The following TNIP1 variants were observed in gnomAD, a reference collection of about 807,000 sequenced individuals.
The protein encoded by TNIP1 is TNFAIP3-interacting protein 1.
TNIP1 carries 22 observed loss-of-function variants against 86.6 expected under a neutral mutation model. The observed-to-expected ratio is 0.25, with a 90% CI of 0.18 to 0.36. The LOEUF (loss-of-function observed/expected upper bound fraction) is 0.36. Among genes scored for constraint, TNIP1 ranks in the 10% least tolerant of loss-of-function variants. The probability of loss-of-function intolerance (pLI) is 1.00; values close to 1 mark genes in which losing one functional copy is unlikely to be tolerated. For synonymous variants in TNIP1, 294 were observed against 313.0 expected, an observed-to-expected ratio of 0.94 and a Z score of 0.64; for missense variants, 709 against 820.6, an observed-to-expected ratio of 0.86 and a Z score of 1.66.
At chr5:151,068,748 C>A (rs1762515162) in intron 1 of TNIP1, among the ~76,000 whole-genome samples, 1 of 152,178 alleles carries the variant, frequency 6.6e-6, no homozygotes, top group Non-Finnish European at 1.5e-5. Flanking sequence ...TGCCCACAGC[C>A]CATCCTCCAT....
At chr5:151,064,136 C>A (rs1376039714) in intron 2 of TNIP1, among the ~76,000 whole-genome samples, 1 of 152,254 alleles carries the variant, frequency 6.6e-6, no homozygotes, top group East Asian at 1.9e-4. Flanking sequence ...GGGCTGCCTG[C>A]AGGGCGGAGA....
At chr5:151,031,838 G>A (rs1756939742) in intron 17 of TNIP1, among the ~76,000 whole-genome samples, 1 of 152,090 alleles carries the variant, frequency 6.6e-6, no homozygotes, top group African/African-American at 2.4e-5. Flanking sequence ...TCTCCACCTA[G>A]CTAGTGTCAC....
intron 3 of TNIP1, among the ~76,000 whole-genome samples, chr5:151,062,734 G>T (rs1761739085): frequency 6.6e-6 from 1 of 152,158 alleles, no homozygotes; most frequent in African/African-American, 2.4e-5. Context: ...CTCACTCTGA[G>T]AGTGGACCTG....
rs892655074 is a variant in TNIP1, at chr5:151,030,668, C to T, written c.*45G>A. Reference sequence around the variant, plus strand: ...TAGTTTCTTGGCAATCTGAGATCAGCTGGCTCTGCAAGATGAAGGTGGAGC... The same window carrying T: ...TAGTTTCTTGGCAATCTGAGATCAGTTGGCTCTGCAAGATGAAGGTGGAGC... On this transcript the variant is annotated 3_prime_UTR_variant, in exon 18 of 18. Coordinates refer to ENST00000521591, the MANE Select transcript of TNIP1 (RefSeq NM_006058.5). 3.7e-6 allele frequency: 6 copies of T among 1,613,826 alleles called. No individual in the cohort carries two copies. Among genetic ancestry groups the T allele is most frequent in the Non-Finnish European group, 4.2e-6 (5 of 1,179,900 alleles).
chr5:151,059,808 AGAGAGAGAGAGAGAGAGAGAGTGTGTGT>A (rs1761183940), intron 5 of TNIP1, among the ~76,000 whole-genome samples: 1 of 113,470 alleles, frequency 8.8e-6, no homozygotes, highest in African/African-American at 4.3e-5. Flanking sequence ...AGAGAGAGAG[AGAGAGAGAGAGAGAGAGAGAGTGTGTGT>A]GTGTGTGTGT....
intron 3 of TNIP1, 72 bp from the exon 4 acceptor site, chr5:151,062,284 A>G (rs1761675173): frequency 7.2e-7 from 1 of 1,394,488 alleles, no homozygotes; most frequent in Non-Finnish European, 1.0e-6. Context: ...TCTCAAGGAC[A>G]GCCCTTGACA....
At position 151,077,567 on chromosome 5, in the gene TNIP1, A is replaced by G. The variant is rs1434247485; in HGVS notation, c.-37+3313T>C. On this transcript the variant is annotated intron_variant, in intron 1 of 17. Transcript: ENST00000521591. ...ATACAGAGCTGACAGGTGAGGATGC[A>G]GAGGCCCAGAGTGACAGACACGGCA... Among the ~76,000 whole-genome samples the G allele has an allele frequency of 3.9e-5, 6 of 152,356 alleles. No homozygotes were observed. In the East Asian group the frequency reaches 9.6e-4, roughly 24 times the overall value.
chr5:151,037,138 C>T (rs1757810823), intron 12 of TNIP1: 1 of 480,912 alleles, frequency 2.1e-6, no homozygotes. Context: ...AGACTATGAT[C>T]ATCATCCTCA....
chr5:151,034,114 T>C, intron 15 of TNIP1, among the ~76,000 whole-genome samples: 1 of 141,070 alleles, frequency 7.1e-6, no homozygotes, highest in East Asian at 2.3e-4. Context: ...GGCTAGTACA[T>C]GGGCACGGAA....
chr5:151,075,977 G>A (rs1763345389), intron 1 of TNIP1, among the ~76,000 whole-genome samples: 1 of 152,204 alleles, frequency 6.6e-6, no homozygotes, highest in Non-Finnish European at 1.5e-5. Flanking sequence ...TTTGTCCACT[G>A]TGTAGGTGCT....
chr5:151,049,527 A>G (rs557572674), intron 8 of TNIP1, among the ~76,000 whole-genome samples: 68 of 152,316 alleles, frequency 4.5e-4, no homozygotes, highest in African/African-American at 1.4e-3. Context: ...TGTTTACGGA[A>G]TGCACCCAGA....
chr5:151,033,729 G>A lies in TNIP1; in HGVS notation c.1658C>T (p.Pro553Leu), dbSNP rs2233306. 2.2e-4 allele frequency: 296 copies of A among 1,360,182 alleles called. No individual in the cohort carries two copies. In the African/African-American group the frequency reaches 3.8e-3, roughly 17 times the overall value. 84.3% of individuals were successfully genotyped at this position (1,360,182 alleles called of 1,614,324 possible). Reference sequence around the variant, plus strand: ...GTGTGGCACCATGGCTGGCATGGGCGGGTAGGCGTAGGGGTAGGCCCCGCA... The same window carrying A: ...GTGTGGCACCATGGCTGGCATGGGCAGGTAGGCGTAGGGGTAGGCCCCGCA... ...HLCGAYPYAY[P>L]PMPAMVPHHG... The change falls in exon 16 of 18, where the codon CCG (proline) becomes CTG (leucine). Residue 553 changes from proline (P) to leucine (L), a missense_variant. By Grantham distance (98) the Pro-to-Leu change is moderately conservative. Coordinates refer to ENST00000521591, the MANE Select transcript of TNIP1 (RefSeq NM_006058.5).
intron 17 of TNIP1, 44 bp downstream of exon 17, chr5:151,032,243 T>C (rs1472063195): frequency 6.6e-7 from 1 of 1,510,284 alleles, no homozygotes; most frequent in Non-Finnish European, 9.1e-7. Flanking sequence ...AGATAAGATA[T>C]TATCTCCCCC....
chr5:151,049,055 A>G (rs1033074582), intron 8 of TNIP1, among the ~76,000 whole-genome samples: 16 of 152,198 alleles, frequency 1.1e-4, no homozygotes, highest in Non-Finnish European at 1.5e-5. Flanking sequence ...TAAACTCTAC[A>G]TTGTCACACA....
intron 1 of TNIP1, among the ~76,000 whole-genome samples, chr5:151,077,859 T>C (rs1318398456): frequency 6.6e-6 from 1 of 152,188 alleles, no homozygotes; most frequent in Non-Finnish European, 1.5e-5. Flanking sequence ...ATCAAAATCT[T>C]TTAGGGTCTT....
At chr5:151,039,306 C>A in intron 11 of TNIP1, 81 bp from the exon 12 acceptor site, 1 of 1,475,564 alleles carries the variant, frequency 6.8e-7, no homozygotes, top group Non-Finnish European at 9.0e-7. Context: ...CCTGGCCCAG[C>A]CCTTACGTTC....
At position 151,059,929 on chromosome 5, in the gene TNIP1, GTC is replaced by G. The variant is rs369233791; in HGVS notation, c.435+387_435+388del. ...AACCTCCTTCCTGTGTGCTCCAAGA[GTC>G]TGCACAAAGAGCAAATCACCTGTCT... On this transcript the variant is annotated intron_variant, in intron 5 of 17. Coordinates refer to ENST00000521591, the MANE Select transcript of TNIP1 (RefSeq NM_006058.5). Among the ~76,000 whole-genome samples, 86 of 150,722 alleles carry G rather than the reference GTC, an allele frequency of 5.7e-4. 1 individual carries two copies. The highest frequency in any genetic ancestry group is 1.0e-3 in the Non-Finnish European group (70 of 67,770).
rs761527671 is a variant in TNIP1, at chr5:151,042,593, G to A, written c.1081C>T (p.Arg361Cys). Residue 361 changes from arginine (R) to cysteine (C), a missense_variant, in exon 11 of 18, where the codon CGT becomes TGT. Coordinates refer to ENST00000521591, the MANE Select transcript of TNIP1 (RefSeq NM_006058.5). ...DLEAEREQKQ[R>C]DFDRKLLLAK... is the part of the protein sequence containing the mutation. The stretch of plus-strand genomic sequence containing the variant: ...AGGAGGAGCTTGCGGTCAAAGTCAC[G>A]CTGCTTCTGCTCCCGCTCGGCCTCC... 5.6e-6 allele frequency: 9 copies of A among 1,613,740 alleles called. No homozygotes were observed. The highest frequency in any genetic ancestry group is 3.3e-5 in the South Asian group (3 of 91,084).
chr5:151,065,504 A>G (rs969541711), intron 1 of TNIP1, among the ~76,000 whole-genome samples: 1 of 152,116 alleles, frequency 6.6e-6, no homozygotes, highest in African/African-American at 2.4e-5. Flanking sequence ...TTTACCCATC[A>G]TTGCATCCTC....
Sources: allele counts gnomAD v4.1 joint callset (sites outside exome capture counted in the v4.1 genomes callset), GRCh38; gene constraint gnomAD v4.1.1; transcripts MANE v1.5; gene names NCBI Gene and HGNC (gene_info 2026-07-23, HGNC 2026-07-21).